KIF4A: variants seen among roughly 807,000 people sequenced by gnomAD.
KIF4A encodes the protein chromosome-associated kinesin KIF4A.
In KIF4A, 7 loss-of-function variants were observed where a neutral mutation model predicts 105.9. That is an observed-to-expected ratio of 0.07 (90% CI 0.04 to 0.12). KIF4A has a LOEUF of 0.12. Ranked by LOEUF, KIF4A falls within the 10% of genes least tolerant of loss-of-function variation. KIF4A has a pLI of 1.00. For missense variants in KIF4A, 558 were observed against 929.2 expected, an observed-to-expected ratio of 0.60 and a Z score of 5.19; for synonymous variants, 281 against 331.3, an observed-to-expected ratio of 0.85 and a Z score of 1.65.
At chrX:70,371,685 G>A (rs112408004) in intron 15 of KIF4A, among the ~76,000 whole-genome samples, 1 of 106,957 alleles carries the variant, frequency 9.3e-6, no homozygotes, top group Non-Finnish European at 2.0e-5. Flanking sequence ...CGGACGGGAC[G>A]GCTGGCCGGG....
At position 70,380,167 on chromosome X, in the gene KIF4A, G is replaced by A. The variant is rs538257355; in HGVS notation, c.2034+3957G>A. 3.9e-4 allele frequency among the ~76,000 whole-genome samples: 43 copies of A among 111,299 alleles called. No homozygotes were observed. The South Asian group carries it at 0.016, about 43-fold the overall frequency. On this transcript the variant is annotated intron_variant, in intron 18 of 30. Coordinates refer to ENST00000374403, the MANE Select transcript of KIF4A (RefSeq NM_012310.5). The stretch of plus-strand genomic sequence containing the variant: ...GAAAATACAAAAAAAAATTAGCTGA[G>A]CATGGTGGCATGTGCCTGTAATCCC...
rs2086199000 is a variant in KIF4A at position 70,382,060 on chromosome X, T to C, written c.2035-4558T>C. Among the ~76,000 whole-genome samples the C allele has an allele frequency of 5.3e-5, 6 of 112,325 alleles. No individual in the cohort carries two copies. In the Admixed American group the frequency reaches 5.7e-4, roughly 11 times the overall value. ...ATTTTCAACAGTAATGCCAAGACAA[T>C]TCAATGAGGAAAACAATTTTGTCTT... On this transcript the variant is annotated intron_variant, in intron 18 of 30. Coordinates refer to ENST00000374403, the MANE Select transcript of KIF4A (RefSeq NM_012310.5).
chrX:70,338,171 G>A (rs781708042), intron 10 of KIF4A, among the ~76,000 whole-genome samples: 3 of 110,907 alleles, frequency 2.7e-5, no homozygotes, highest in East Asian at 5.7e-4. Context: ...TAAAATTTAC[G>A]TACCATAAAA....
chrX:70,317,938 C>T (rs1199465), intron 7 of KIF4A, among the ~76,000 whole-genome samples: 13,333 of 104,782 alleles, frequency 0.13, 1,479 homozygotes, highest in African/African-American at 0.35. Flanking sequence ...AGTGCAGTGG[C>T]GTGATGTTGG....
intron 10 of KIF4A, among the ~76,000 whole-genome samples, chrX:70,334,302 T>C (rs1315813185): frequency 8.9e-6 from 1 of 112,343 alleles, no homozygotes; most frequent in African/African-American, 3.2e-5. Flanking sequence ...CAGAAATATC[T>C]ACCTGTGTAG....
intron 13 of KIF4A, among the ~76,000 whole-genome samples, chrX:70,350,068 C>A (rs1042025702): frequency 3.9e-4 from 44 of 114,075 alleles, no homozygotes; most frequent in Non-Finnish European, 7.1e-4. Context: ...AGACGCTCCT[C>A]ACTTCCTAGA....
chrX:70,290,380 T>G, intron 1 of KIF4A, 58 bp from the exon 2 acceptor site: 1 of 1,150,676 alleles, frequency 8.7e-7, no homozygotes, highest in Admixed American at 2.4e-5. Context: ...GAGGACGCCC[T>G]CCCACCCCTG....
At chrX:70,411,740 C>T (rs1278440308) in intron 28 of KIF4A, among the ~76,000 whole-genome samples, 1 of 110,585 alleles carries the variant, frequency 9.0e-6, no homozygotes, top group Non-Finnish European at 1.9e-5. Context: ...GAAACCCAGA[C>T]TCTGCTTTCC....
In KIF4A at chrX:70,293,181, CCAA is replaced by C. The variant is rs748511444; in HGVS notation, c.235+2380_235+2382del. Among the ~76,000 whole-genome samples, 10 of 112,492 alleles carry C rather than the reference CCAA, an allele frequency of 8.9e-5. No homozygotes were observed. In the South Asian group the frequency reaches 2.9e-3, roughly 33 times the overall value. On this transcript the variant is annotated intron_variant, in intron 3 of 30. Coordinates refer to ENST00000374403, the MANE Select transcript of KIF4A (RefSeq NM_012310.5). ...ATCTTCTTATGATCCTTCATTTAGA[CCAA>C]CAAGTTTTTTCAAAACTTCAAAGTT... is the stretch of plus-strand genomic sequence containing the variant.
chrX:70,346,652 G>A (rs1310450130), intron 13 of KIF4A, among the ~76,000 whole-genome samples: 2 of 111,148 alleles, frequency 1.8e-5, no homozygotes, highest in African/African-American at 6.5e-5. Flanking sequence ...ACAGTAGGAG[G>A]GTGCTAAAGA....
At chrX:70,371,820 G>T (rs1478930585) in intron 15 of KIF4A, among the ~76,000 whole-genome samples, 16 of 98,038 alleles carry the variant, frequency 1.6e-4, no homozygotes, top group Non-Finnish European at 8.3e-5. Context: ...GGCGGCTGCC[G>T]GGCGGAGGGG....
rs367988197 is a variant in KIF4A, at chrX:70,352,630, A to G, written c.1462A>G (p.Ile488Val). The G allele has an allele frequency of 1.7e-6, 2 of 1,202,508 alleles. No homozygotes were observed. The highest frequency in any genetic ancestry group is 3.5e-5 in the African/African-American group (2 of 57,296). Residue 488 changes from isoleucine to valine, a missense_variant, in exon 14 of 31, where the codon ATT becomes GTT. Ile to Val is a conservative substitution (Grantham distance 29, BLOSUM62 3). This residue lies in a region of KIF4A where 469 missense variants were observed against 680.4 expected (regional missense o/e 0.69). Transcript: ENST00000374403. ...AACTGTTGCTTGCATGGCTGCAGCC[A>G]TTGATACTGCGGTGGAGCAAGAAGC... Reference protein sequence around the residue: ...DETVACMAAAIDTAVEQEAQV... With the variant: ...DETVACMAAAVDTAVEQEAQV...
chrX:70,363,351 G>C (rs1390989047), intron 15 of KIF4A, among the ~76,000 whole-genome samples: 2 of 110,249 alleles, frequency 1.8e-5, no homozygotes, highest in Non-Finnish European at 1.9e-5. Context: ...CCATTAACTC[G>C]TCATTTAACA....
At chrX:70,383,249 G>T (rs1330008510) in intron 18 of KIF4A, among the ~76,000 whole-genome samples, 1 of 110,511 alleles carries the variant, frequency 9.0e-6, no homozygotes, top group Non-Finnish European at 1.9e-5. Context: ...TTTTAAAATG[G>T]GCAAAGCAAT....
chrX:70,385,264 T>C (rs952556125), intron 18 of KIF4A, among the ~76,000 whole-genome samples: 1 of 111,565 alleles, frequency 9.0e-6, no homozygotes, highest in Non-Finnish European at 1.9e-5. Context: ...ATTTAAGAAG[T>C]AGGAAATTCC....
At chrX:70,314,368 A>T (rs2085861831) in intron 7 of KIF4A, among the ~76,000 whole-genome samples, 1 of 112,062 alleles carries the variant, frequency 8.9e-6, no homozygotes, top group Non-Finnish European at 1.9e-5. Context: ...GGGAAAGGAG[A>T]TGTACCCAAG....
At chrX:70,371,129 C>T (rs1399911487) in intron 15 of KIF4A, among the ~76,000 whole-genome samples, 1 of 110,226 alleles carries the variant, frequency 9.1e-6, no homozygotes, top group Non-Finnish European at 1.9e-5. Context: ...ATCTTCTTGG[C>T]TGCCAACTAC....
intron 7 of KIF4A, among the ~76,000 whole-genome samples, chrX:70,317,823 C>T (rs972471999): frequency 1.3e-4 from 14 of 110,312 alleles, no homozygotes; most frequent in African/African-American, 4.6e-4. Flanking sequence ...GAATTACAGG[C>T]GTAAGCCACC....
chrX:70,358,580 T>C (rs964337639), intron 15 of KIF4A, among the ~76,000 whole-genome samples: 1 of 112,030 alleles, frequency 8.9e-6, no homozygotes, highest in Non-Finnish European at 1.9e-5. Flanking sequence ...TCTCTAAGAA[T>C]AGGAATTAAA....
Sources: allele counts gnomAD v4.1 joint callset (sites outside exome capture counted in the v4.1 genomes callset), GRCh38; gene constraint gnomAD v4.1.1; regional missense constraint gnomAD v4.1.1; transcripts MANE v1.5; gene names NCBI Gene and HGNC (gene_info 2026-07-23, HGNC 2026-07-21).